JMJD1C: variants seen among roughly 807,000 people sequenced by gnomAD.
The protein encoded by JMJD1C is jumonji domain containing 1C.
JMJD1C carries 31 observed loss-of-function variants against 245.3 expected under a neutral mutation model. That is an observed-to-expected ratio of 0.13 (90% CI 0.09 to 0.17). The LOEUF (loss-of-function observed/expected upper bound fraction) is 0.17. Among genes scored for constraint, JMJD1C ranks in the 10% least tolerant of loss-of-function variants. The pLI is 1.00. For synonymous variants in JMJD1C, 1,057 were observed against 1,017.4 expected (o/e 1.04, Z -0.74); for missense variants, 2,691 against 3,000.2 (o/e 0.90, Z 2.41).
intron 13 of JMJD1C, among the ~76,000 whole-genome samples, chr10:63,196,399 T>C (rs1037522166): frequency 1.6e-4 from 24 of 152,204 alleles, no homozygotes; most frequent in African/African-American, 5.5e-4. Context: ...AATATCAAAA[T>C]ACATGTATTG....
At position 63,208,758 on chromosome 10, in the gene JMJD1C, C is replaced by T; in HGVS notation, c.2911G>A (p.Ala971Thr). Residue 971 changes from alanine to threonine, a missense_variant, in exon 10 of 26, where the codon GCA becomes ACA. Around this residue, in one of 9 missense-constraint regions of JMJD1C, gnomAD observed 1,562 missense variants for 1,490.7 expected, o/e 1.05. Transcript: ENST00000399262. ...AGGTCATTTTTGGCTGATGTGGATG[C>T]AACAGACCGTAATGGTTCCATAAAA... ...KAFMEPLRSV[A>T]STSAKNDLDL... The T allele has an allele frequency of 1.9e-6, 3 of 1,611,078 alleles. No individual in the cohort carries two copies. The highest frequency in any genetic ancestry group is 2.5e-6 in the Non-Finnish European group (3 of 1,179,146).
chr10:63,329,294 AAG>A (rs1028800519), intron 2 of JMJD1C, among the ~76,000 whole-genome samples: 10 of 151,846 alleles, frequency 6.6e-5, no homozygotes, highest in Non-Finnish European at 1.2e-4. Flanking sequence ...AAAAAAAAGA[AAG>A]AAAGAAAGAA....
At chr10:63,469,685 GC>G (rs1443398039), upstream of JMJD1C, among the ~76,000 whole-genome samples, 1 of 152,042 alleles carries the variant, frequency 6.6e-6, no homozygotes, top group African/African-American at 2.4e-5. Context: ...CAAATTTAAT[GC>G]ATTTTAACAA....
intron 2 of JMJD1C, among the ~76,000 whole-genome samples, chr10:63,342,464 C>G (rs758742887): frequency 3.3e-5 from 5 of 152,212 alleles, no homozygotes; most frequent in Non-Finnish European, 7.3e-5. Context: ...ACCTCCTCAT[C>G]ACTAGAGGAC....
chr10:63,276,326 C>A (rs1010385690), intron 2 of JMJD1C, among the ~76,000 whole-genome samples: 2 of 151,784 alleles, frequency 1.3e-5, no homozygotes, highest in African/African-American at 4.8e-5. Context: ...GTTAGCTGGG[C>A]GGGGTGGCGG....
intron 2 of JMJD1C, among the ~76,000 whole-genome samples, chr10:63,377,865 T>G (rs1589622433): frequency 6.6e-6 from 1 of 151,284 alleles, no homozygotes; most frequent in Admixed American, 6.6e-5. Flanking sequence ...ACCACTGCAC[T>G]CCAGCCTGTG....
intron 2 of JMJD1C, among the ~76,000 whole-genome samples, chr10:63,276,398 G>C (rs915092245): frequency 6.7e-6 from 1 of 149,232 alleles, no homozygotes; most frequent in Non-Finnish European, 1.5e-5. Flanking sequence ...CCTGGGAGGC[G>C]GAACTTCCAG....
At chr10:63,328,353 AGAG>A (rs1332234376) in intron 2 of JMJD1C, among the ~76,000 whole-genome samples, 1 of 152,120 alleles carries the variant, frequency 6.6e-6, no homozygotes, top group East Asian at 1.9e-4. Context: ...AAAAAATTTG[AGAG>A]GATTAGGGGA....
At chr10:63,478,830 ATGG>A (rs1427182611) in intron 1 of JMJD1C, among the ~76,000 whole-genome samples, 1 of 152,150 alleles carries the variant, frequency 6.6e-6, no homozygotes, top group African/African-American at 2.4e-5. Context: ...TGATAACCAC[ATGG>A]TGCATACCTA....
chr10:63,234,519 A>AAAAAAAAAAAC (rs1564654977), intron 3 of JMJD1C, among the ~76,000 whole-genome samples: 3 of 148,012 alleles, frequency 2.0e-5, no homozygotes, highest in Non-Finnish European at 4.4e-5. Flanking sequence ...AAAAAAAAAA[A>AAAAAAAAAAAC]AACACCAAAA....
In JMJD1C at chr10:63,214,919, G is replaced by C. The variant is rs1459771179; in HGVS notation, c.1248C>G (p.Pro416=). 6.2e-7 allele frequency: 1 copy of C among 1,609,154 alleles called. No individual in the cohort carries two copies. Among genetic ancestry groups the C allele is most frequent in the African/African-American group, 1.3e-5 (1 of 74,518 alleles). The change falls in exon 8 of 26, where the codon CCC becomes CCG. Residue 416 remains proline, a synonymous_variant. Transcript: ENST00000399262. ...TSKINGEEGK[P]HNNEKAGEET... ...CTTCTCCTGCCTTCTCATTATTATG[G>C]GGTTTTCCTTCTTCTCCATTTATTT...
At chr10:63,516,513 T>C (rs1315291552) in intron 1 of JMJD1C, among the ~76,000 whole-genome samples, 2 of 152,214 alleles carry the variant, frequency 1.3e-5, no homozygotes. Context: ...AACCCTGATT[T>C]AATCTATTCT....
chr10:63,345,498 A>C (rs1943735429), intron 2 of JMJD1C, among the ~76,000 whole-genome samples: 3 of 151,722 alleles, frequency 2.0e-5, no homozygotes, highest in South Asian at 4.2e-4. Flanking sequence ...CAAAAAAAAA[A>C]AAAAAAACAA....
chr10:63,521,682 G>C, intron 1 of JMJD1C: 4 of 787,236 alleles, frequency 5.1e-6, no homozygotes, highest in Non-Finnish European at 7.0e-6. Context: ...GGGCGGGGAC[G>C]GGGTAGCCCG....
chr10:63,385,755 A>T (rs1947543552), intron 1 of JMJD1C, among the ~76,000 whole-genome samples: 1 of 152,040 alleles, frequency 6.6e-6, no homozygotes, highest in Non-Finnish European at 1.5e-5. Context: ...ATAAAACCTC[A>T]AATTTATTTA....
chr10:63,229,289 G>A (rs1158950265), intron 3 of JMJD1C, among the ~76,000 whole-genome samples: 1 of 152,010 alleles, frequency 6.6e-6, no homozygotes, highest in African/African-American at 2.4e-5. Context: ...CTAGAATCCA[G>A]ACTATCATTT....
At chr10:63,521,019 G>A (rs1169054035) in intron 1 of JMJD1C, among the ~76,000 whole-genome samples, 3 of 152,158 alleles carry the variant, frequency 2.0e-5, no homozygotes, top group Non-Finnish European at 4.4e-5. Context: ...GAGTTTTATT[G>A]GACACCGAGT....
chr10:63,361,111 T>G (rs1371044528), intron 2 of JMJD1C, among the ~76,000 whole-genome samples: 1 of 152,240 alleles, frequency 6.6e-6, no homozygotes, highest in East Asian at 1.9e-4. Context: ...TTAAGTGAGT[T>G]ATTTTAATGT....
At chr10:63,321,428 C>T (rs1043439144) in intron 2 of JMJD1C, among the ~76,000 whole-genome samples, 10 of 152,128 alleles carry the variant, frequency 6.6e-5, no homozygotes, top group Admixed American at 3.3e-4. Flanking sequence ...TGGGATCTGA[C>T]GCTAGCTGTA....
Sources: gnomAD v4.1 joint callset for allele counts (sites outside exome capture counted in the v4.1 genomes callset) on GRCh38, gnomAD v4.1.1 for gene constraint, gnomAD v4.1.1 regional missense constraint, MANE v1.5 for transcripts, NCBI Gene and HGNC (gene_info 2026-07-23, HGNC 2026-07-21) for gene names.